TBX19: variants seen among roughly 807,000 people sequenced by gnomAD.
TBX19 encodes the protein T-box transcription factor TBX19.
Under a neutral mutation model 40.9 loss-of-function variants are expected in TBX19, and 33 were observed. The observed-to-expected ratio is 0.81, with a 90% CI of 0.61 to 1.08. TBX19 has a LOEUF of 1.08. Among genes scored for constraint, TBX19 ranks in the 50% least tolerant of loss-of-function variants. TBX19 has a pLI of 0.00. For synonymous variants in TBX19, 220 were observed against 225.0 expected (o/e 0.98, Z 0.20); for missense variants, 494 against 574.0 (o/e 0.86, Z 1.42).
intron 3 of TBX19, among the ~76,000 whole-genome samples, chr1:168,295,194 G>C (rs1048608690): frequency 4.6e-5 from 7 of 152,014 alleles, no homozygotes; most frequent in Non-Finnish European, 7.4e-5. Flanking sequence ...GGGAGGCTGA[G>C]GCAGGAGAAT....
chr1:168,283,603 C>G (rs1572471644), intron 1 of TBX19, among the ~76,000 whole-genome samples: 2 of 152,182 alleles, frequency 1.3e-5, no homozygotes, highest in East Asian at 3.9e-4. Flanking sequence ...ATTTATTCCT[C>G]TATGCCTCCT....
intron 3 of TBX19, among the ~76,000 whole-genome samples, chr1:168,294,993 T>C (rs1466321937): frequency 6.6e-6 from 1 of 151,686 alleles, no homozygotes; most frequent in African/African-American, 2.4e-5. Flanking sequence ...TCTAATAGGT[T>C]AAAAAAAATA....
intron 1 of TBX19, among the ~76,000 whole-genome samples, chr1:168,288,834 C>T (rs956237407): frequency 7.2e-5 from 11 of 152,000 alleles, no homozygotes; most frequent in African/African-American, 2.7e-4. Context: ...GATAATAGCT[C>T]ACTACAGCCC....
chr1:168,300,015 C>G (rs969898851), intron 4 of TBX19, among the ~76,000 whole-genome samples: 1 of 152,138 alleles, frequency 6.6e-6, no homozygotes, highest in Non-Finnish European at 1.5e-5. Flanking sequence ...ATCCACTTTT[C>G]TAATCTACAA....
chr1:168,298,824 T>TGTCCTTCC (rs1558192751), intron 4 of TBX19, among the ~76,000 whole-genome samples: 1 of 13,342 alleles, frequency 7.5e-5, no homozygotes, highest in Non-Finnish European at 1.3e-4. Flanking sequence ...CCTCCCTTCC[T>TGTCCTTCC]TTCTTTCTTT....
chr1:168,281,274 A>C lies in TBX19; in HGVS notation c.184A>C (p.Ile62Leu). 6.2e-7 allele frequency: 1 copy of C among 1,614,172 alleles called. No homozygotes were observed. The highest frequency in any genetic ancestry group is 8.5e-7 in the Non-Finnish European group (1 of 1,180,006). ...QRFKEVTNEMIVTKNGRRMFP... is the reference protein window; with the variant it reads ...QRFKEVTNEMLVTKNGRRMFP... ...ATTCAAGGAAGTCACTAATGAGATG[A>C]TTGTGACCAAGAATGGCAGGTGAGT... Residue 62 changes from isoleucine (I) to leucine (L), a missense_variant, in exon 1 of 8, where the codon ATT (isoleucine) becomes CTT (leucine). Coordinates refer to ENST00000367821, the MANE Select transcript of TBX19 (RefSeq NM_005149.3).
At chr1:168,282,400 G>C (rs543254043) in intron 1 of TBX19, among the ~76,000 whole-genome samples, 1 of 152,242 alleles carries the variant, frequency 6.6e-6, no homozygotes, top group Non-Finnish European at 1.5e-5. Flanking sequence ...CTGTTACATG[G>C]CATTAAAATG....
intron 1 of TBX19, among the ~76,000 whole-genome samples, chr1:168,283,479 A>G (rs1027737850): frequency 6.6e-6 from 1 of 151,864 alleles, no homozygotes; most frequent in African/African-American, 2.4e-5. Flanking sequence ...ATTACCCCCA[A>G]CCTCTTAGTT....
intron 1 of TBX19, among the ~76,000 whole-genome samples, chr1:168,281,900 A>G (rs572145182): frequency 4.6e-5 from 7 of 152,214 alleles, no homozygotes; most frequent in Non-Finnish European, 1.0e-4. Context: ...TGCTTTAGAG[A>G]AAAGAAGATG....
intron 1 of TBX19, among the ~76,000 whole-genome samples, chr1:168,281,891 G>C (rs1004581903): frequency 2.0e-5 from 3 of 152,164 alleles, no homozygotes; most frequent in Admixed American, 6.5e-5. Flanking sequence ...ATATTATTCT[G>C]CTTTAGAGAA....
chr1:168,302,471 G>T (rs1246233262), intron 5 of TBX19, among the ~76,000 whole-genome samples: 1 of 152,082 alleles, frequency 6.6e-6, no homozygotes, highest in Non-Finnish European at 1.5e-5. Flanking sequence ...CCCATCCACT[G>T]ATCCCTTAGC....
Position 168,294,946 on chromosome 1 carries a change from G to A in TBX19, c.603+1668G>A, listed in dbSNP as rs12021896. ...TCTCTATTTGTAGCCCCAACACCAT[G>A]ATCAACACTATTATCAATCTTTGTC... On this transcript the variant is annotated intron_variant, in intron 3 of 7. Coordinates refer to ENST00000367821, the MANE Select transcript of TBX19 (RefSeq NM_005149.3). 9.2e-5 allele frequency among the ~76,000 whole-genome samples: 14 copies of A among 152,216 alleles called. No homozygotes were observed. In the East Asian group the frequency reaches 1.2e-3, roughly 13 times the overall value.
chr1:168,294,111 T>C (rs1274448169), intron 3 of TBX19, among the ~76,000 whole-genome samples: 2 of 152,200 alleles, frequency 1.3e-5, no homozygotes, highest in Non-Finnish European at 2.9e-5. Context: ...TAAATATATA[T>C]GTGAATGTAG....
chr1:168,293,358 G>A (rs1649001989), intron 3 of TBX19, 80 bp downstream of exon 3: 11 of 1,490,196 alleles, frequency 7.4e-6, no homozygotes, highest in Admixed American at 2.0e-5. Flanking sequence ...GGCAGGATGG[G>A]CGGGGGGGGT....
intron 1 of TBX19, among the ~76,000 whole-genome samples, chr1:168,289,442 T>C (rs1045261678): frequency 6.6e-6 from 1 of 152,240 alleles, no homozygotes; most frequent in Non-Finnish European, 1.5e-5. Flanking sequence ...TGTATCATTT[T>C]AGTTAATGTA....
chr1:168,295,973 A>G (rs1475957542), intron 3 of TBX19, among the ~76,000 whole-genome samples: 1 of 152,164 alleles, frequency 6.6e-6, no homozygotes, highest in Non-Finnish European at 1.5e-5. Context: ...TGACCCATCC[A>G]GCAATCTCCC....
At chr1:168,298,891 CTT>C (rs1298847970) in intron 4 of TBX19, among the ~76,000 whole-genome samples, 3 of 115,400 alleles carry the variant, frequency 2.6e-5, no homozygotes, top group African/African-American at 1.2e-4. Flanking sequence ...TTCTTTCTTT[CTT>C]TCTTTCTCTC....
chr1:168,284,109 CCTT>C (rs1415932575), intron 1 of TBX19, among the ~76,000 whole-genome samples: 13 of 152,154 alleles, frequency 8.5e-5, no homozygotes, highest in Non-Finnish European at 1.6e-4. Flanking sequence ...CTCTCTTCCT[CCTT>C]TTCTTTCTTT....
At chr1:168,300,260 C>A (rs1243782107) in intron 4 of TBX19, among the ~76,000 whole-genome samples, 162 bp from the exon 5 acceptor site, 7 of 151,948 alleles carry the variant, frequency 4.6e-5, no homozygotes, top group Admixed American at 3.3e-4. Context: ...AGACAGCACC[C>A]CGAAGGAAGG....
Sources: gnomAD v4.1 joint callset for allele counts (sites outside exome capture counted in the v4.1 genomes callset) on GRCh38, gnomAD v4.1.1 for gene constraint, MANE v1.5 for transcripts, NCBI Gene and HGNC (gene_info 2026-07-23, HGNC 2026-07-21) for gene names.